Variants in ERG observed in about 807,000 individuals in gnomAD.
ERG encodes the protein ETS transcription factor ERG.
In ERG, 9 loss-of-function variants were observed where a neutral mutation model predicts 55.3. The observed-to-expected ratio is 0.16, with a 90% confidence interval of 0.10 to 0.28. ERG has a LOEUF of 0.28. ERG is among the 10% of genes least tolerant of loss of function. The pLI is 1.00. For synonymous variants in ERG, 223 were observed against 237.3 expected, an observed-to-expected ratio of 0.94 and a Z score of 0.55; for missense variants, 434 against 631.6, an observed-to-expected ratio of 0.69 and a Z score of 3.35.
At chr21:38,601,976 G>T (rs2060167037) in intron 1 of ERG, among the ~76,000 whole-genome samples, 2 of 152,062 alleles carry the variant, frequency 1.3e-5, no homozygotes, top group Non-Finnish European at 2.9e-5. Context: ...CCACCTCCCA[G>T]ATTCAAGCAA....
chr21:38,491,315 T>C (rs538576512), intron 1 of ERG, among the ~76,000 whole-genome samples: 4 of 151,558 alleles, frequency 2.6e-5, no homozygotes, highest in African/African-American at 9.7e-5. Context: ...GGGGGGAATG[T>C]GAATGTGGAG....
upstream of ERG, among the ~76,000 whole-genome samples, chr21:38,586,207 AT>A (rs2146885209): frequency 4.5e-5 from 2 of 44,514 alleles, no homozygotes; most frequent in East Asian, 8.7e-4. Context: ...ATATATATAT[AT>A]ATATATATAT....
intron 9 of ERG, 85 bp from the exon 10 acceptor site, chr21:38,384,008 C>G: frequency 6.6e-7 from 1 of 1,506,712 alleles, no homozygotes; most frequent in Non-Finnish European, 8.8e-7. Context: ...GAAGGAGGTG[C>G]TATTGGTGTG....
In ERG at chr21:38,380,266, C is replaced by T. The variant is rs1166863560; in HGVS notation, c.*3137G>A. The T allele has an allele frequency of 3.8e-6, 4 of 1,056,078 alleles. No individual in the cohort carries two copies. Among genetic ancestry groups the T allele is most frequent in the Middle Eastern group, 4.3e-4 (1 of 2,350 alleles). 65.4% of individuals were successfully genotyped at this position (1,056,078 alleles called of 1,614,324 possible). ...CTCTGCTGCACCTGCTGTCAGAGGG[C>T]AGCTCCTCCGGCTCCTGCTCCTGGG... On this transcript the variant is annotated 3_prime_UTR_variant, in exon 10 of 10. Transcript: ENST00000288319.
Position 38,635,821 on chromosome 21 carries a change from A to G in ERG, c.-150+25837T>C, listed in dbSNP as rs143092738. Among the ~76,000 whole-genome samples the G allele has an allele frequency of 1.8e-3, 272 of 152,356 alleles. 2 individuals carry two copies. The highest frequency in any genetic ancestry group is 0.017 in the Middle Eastern group (5 of 294). On this transcript the variant is annotated intron_variant, in intron 1 of 10. Coordinates refer to the ERG transcript ENST00000398910. ...ATGTCCAAACATAGCTGACCCTAGCATGACTCAGGTTGAATAATATTCAGG... is the reference window on the plus strand; with the variant it reads ...ATGTCCAAACATAGCTGACCCTAGCGTGACTCAGGTTGAATAATATTCAGG...
At chr21:38,540,406 C>G (rs1254952456) in intron 2 of ERG, among the ~76,000 whole-genome samples, 1 of 152,190 alleles carries the variant, frequency 6.6e-6, no homozygotes, top group Non-Finnish European at 1.5e-5. Flanking sequence ...TCTTCCTAGT[C>G]CTATGCTTTG....
chr21:38,602,462 T>C (rs1396562506), intron 1 of ERG, among the ~76,000 whole-genome samples: 1 of 151,714 alleles, frequency 6.6e-6, no homozygotes, highest in East Asian at 1.9e-4. Context: ...AATAAATACA[T>C]AAATAAATAA....
At chr21:38,583,295 A>ATAGGGCCCATGATT (rs2060041456) in intron 1 of ERG, among the ~76,000 whole-genome samples, 1 of 152,210 alleles carries the variant, frequency 6.6e-6, no homozygotes, top group Admixed American at 6.5e-5. Flanking sequence ...AGGGAGAAAC[A>ATAGGGCCCATGATT]TAGGGCCCAT....
At chr21:38,446,414 G>A (rs1276813971) in intron 1 of ERG, among the ~76,000 whole-genome samples, 3 of 151,964 alleles carry the variant, frequency 2.0e-5, no homozygotes, top group South Asian at 2.1e-4. Context: ...ATCATTTTTC[G>A]TGGTTTTAAG....
intron 1 of ERG, among the ~76,000 whole-genome samples, chr21:38,622,977 C>CAT (rs1178550316): frequency 8.1e-6 from 1 of 123,508 alleles, no homozygotes; most frequent in East Asian, 2.7e-4. Flanking sequence ...ACACGTCACA[C>CAT]ACATTTTACA....
At chr21:38,611,613 CTG>C (rs2060227942) in intron 1 of ERG, among the ~76,000 whole-genome samples, 1 of 152,196 alleles carries the variant, frequency 6.6e-6, no homozygotes, top group Non-Finnish European at 1.5e-5. Context: ...CTTTCCATGA[CTG>C]TCACTCTATA....
In ERG at chr21:38,391,088, A is replaced by G. The variant is rs201535132; in HGVS notation, c.872-46T>C. 2,862 of 1,504,068 alleles carry G rather than the reference A, an allele frequency of 1.9e-3. 34 individuals carry two copies. Among genetic ancestry groups the G allele is most frequent in the South Asian group, 0.016 (1,430 of 87,778 alleles). 93.2% of individuals were successfully genotyped at this position (1,504,068 alleles called of 1,614,324 possible). On this transcript the variant is annotated intron_variant, in intron 8 of 9. Transcript: ENST00000288319. ...GTCAAATCCTAGACATAGTTGTAACATAGTATGATGTGACTTCAGACATAA... is the reference window on the plus strand; with the variant it reads ...GTCAAATCCTAGACATAGTTGTAACGTAGTATGATGTGACTTCAGACATAA...
intron 1 of ERG, among the ~76,000 whole-genome samples, chr21:38,472,756 A>C (rs926833782): frequency 6.6e-6 from 1 of 152,196 alleles, no homozygotes; most frequent in African/African-American, 2.4e-5. Flanking sequence ...CTCAGCTACT[A>C]AGTTTCTCTT....
chr21:38,409,371 TAC>T (rs1266587552), intron 3 of ERG, among the ~76,000 whole-genome samples: 1 of 151,460 alleles, frequency 6.6e-6, no homozygotes, highest in African/African-American at 2.4e-5. Flanking sequence ...TAATGCCAGC[TAC>T]TCAGGAGGCT....
At chr21:38,525,260 G>T (rs565149061) in intron 2 of ERG, among the ~76,000 whole-genome samples, 1 of 151,940 alleles carries the variant, frequency 6.6e-6, no homozygotes, top group African/African-American at 2.4e-5. Context: ...CATCTTCCCC[G>T]CGCCCCTCCT....
intron 1 of ERG, among the ~76,000 whole-genome samples, chr21:38,652,205 C>G (rs2146987150): frequency 6.6e-6 from 1 of 152,272 alleles, no homozygotes; most frequent in East Asian, 1.9e-4. Context: ...AACACACCAG[C>G]AGGCCTGACT....
Position 38,403,779 on chromosome 21 carries a change from T to C in ERG, c.389-70A>G, listed in dbSNP as rs982375678. 9 of 1,442,912 alleles carry C rather than the reference T, an allele frequency of 6.2e-6. 1 individual carries two copies. In the Admixed American group the frequency reaches 1.6e-4, roughly 25 times the overall value. The allele number at this position is 1,442,912 out of a possible 1,614,324, so 89.4% of individuals were successfully genotyped here. On this transcript the variant is annotated intron_variant, in intron 3 of 9. Coordinates refer to ENST00000288319, the MANE Select transcript of ERG (RefSeq NM_182918.4). The stretch of plus-strand genomic sequence containing the variant: ...ATCTTCATCTTGGGGTAGATCCCCA[T>C]CCACGTGGGATTTCTGACCAGCTGC...
chr21:38,535,177 T>C (rs2059700622), intron 2 of ERG, among the ~76,000 whole-genome samples: 1 of 151,836 alleles, frequency 6.6e-6, no homozygotes, highest in Admixed American at 6.6e-5. Context: ...AATAAACCAG[T>C]CACAAAAAGA....
intron 2 of ERG, among the ~76,000 whole-genome samples, chr21:38,533,359 GAAGCCTCACA>G (rs2059686200): frequency 6.6e-6 from 1 of 152,140 alleles, no homozygotes; most frequent in Non-Finnish European, 1.5e-5. Context: ...CAAACTCAAA[GAAGCCTCACA>G]TAAATGATCA....
Sources: gnomAD v4.1 joint callset for allele counts (sites outside exome capture counted in the v4.1 genomes callset) on GRCh38, gnomAD v4.1.1 for gene constraint, MANE v1.5 for transcripts, NCBI Gene and HGNC (gene_info 2026-07-23, HGNC 2026-07-21) for gene names.